The following CTNNA3 variants were observed in gnomAD, a reference collection of about 807,000 sequenced individuals.
The protein encoded by CTNNA3 is catenin alpha 3, also known as catenin alpha-3.
CTNNA3 carries 76 observed loss-of-function variants against 95.7 expected under a neutral mutation model. That is an observed-to-expected ratio of 0.79 (90% CI 0.66 to 0.96). The LOEUF is 0.96. Among genes scored for constraint, CTNNA3 ranks in the 40% least tolerant of loss-of-function variants. The pLI, the probability that CTNNA3 is intolerant of heterozygous loss-of-function variation, is 0.00. For missense variants in CTNNA3, 1,191 were observed against 1,089.8 expected, an observed-to-expected ratio of 1.09 and a Z score of -1.31; for synonymous variants, 431 against 374.4, an observed-to-expected ratio of 1.15 and a Z score of -1.74.
intron 11 of CTNNA3, among the ~76,000 whole-genome samples, chr10:66,429,750 T>C (rs1229383960): frequency 2.6e-5 from 4 of 152,122 alleles, no homozygotes; most frequent in African/African-American, 7.2e-5. Context: ...ATGGGAAGTA[T>C]CTAAAAATAA....
At chr10:67,218,668 A>T (rs1487074772) in intron 6 of CTNNA3, among the ~76,000 whole-genome samples, 1 of 152,170 alleles carries the variant, frequency 6.6e-6, no homozygotes, top group Non-Finnish European at 1.5e-5. Context: ...CATCCATTCT[A>T]TCAAAATTCA....
chr10:66,048,145 C>A (rs944262073), intron 15 of CTNNA3, among the ~76,000 whole-genome samples: 1 of 152,024 alleles, frequency 6.6e-6, no homozygotes, highest in Non-Finnish European at 1.5e-5. Flanking sequence ...TTATATGGAA[C>A]CAAAAAGAGT....
At chr10:66,418,846 C>G (rs1045805996) in intron 11 of CTNNA3, among the ~76,000 whole-genome samples, 1 of 151,970 alleles carries the variant, frequency 6.6e-6, no homozygotes, top group Non-Finnish European at 1.5e-5. Flanking sequence ...AAAAAATTCT[C>G]AACAAACTAG....
intron 15 of CTNNA3, among the ~76,000 whole-genome samples, chr10:66,055,188 T>A (rs1267257295): frequency 2.6e-5 from 4 of 152,202 alleles, no homozygotes; most frequent in African/African-American, 4.8e-5. Context: ...TTCTCAGGAT[T>A]GCTTTGGCTA....
chr10:66,689,870 A>G (rs1262842726), intron 9 of CTNNA3, among the ~76,000 whole-genome samples: 1 of 152,212 alleles, frequency 6.6e-6, no homozygotes, highest in Non-Finnish European at 1.5e-5. Flanking sequence ...ATTTCACAGT[A>G]TTCCTAATAC....
chr10:67,559,777 C>T (rs566095485), intron 3 of CTNNA3, among the ~76,000 whole-genome samples: 2 of 152,142 alleles, frequency 1.3e-5, no homozygotes, highest in African/African-American at 4.8e-5. Flanking sequence ...ATAACCAATA[C>T]AGAGAAGTGC....
intron 15 of CTNNA3, among the ~76,000 whole-genome samples, chr10:66,053,225 A>G (rs2080000390): frequency 1.3e-5 from 1 of 76,874 alleles, no homozygotes; most frequent in Admixed American, 1.3e-4. Context: ...GTTTTTAAAT[A>G]TCAGATTAAT....
chr10:67,319,445 C>T (rs1213569890), intron 5 of CTNNA3, among the ~76,000 whole-genome samples: 1 of 152,122 alleles, frequency 6.6e-6, no homozygotes, highest in East Asian at 1.9e-4. Context: ...ATGCCTAGCA[C>T]ATAAAAGGTG....
intron 15 of CTNNA3, among the ~76,000 whole-genome samples, chr10:66,006,915 G>T (rs987637457): frequency 6.6e-6 from 1 of 152,164 alleles, no homozygotes; most frequent in African/African-American, 2.4e-5. Flanking sequence ...ACAGCTAATA[G>T]ATTCAGTACA....
intron 7 of CTNNA3, among the ~76,000 whole-genome samples, chr10:66,960,591 C>T (rs2132768490): frequency 6.6e-6 from 1 of 152,188 alleles, no homozygotes; most frequent in East Asian, 1.9e-4. Context: ...GAGAGAAAAA[C>T]AGAAGACATT....
chr10:66,164,443 A>G (rs2085017215), intron 13 of CTNNA3, among the ~76,000 whole-genome samples: 1 of 152,036 alleles, frequency 6.6e-6, no homozygotes, highest in African/African-American at 2.4e-5. Context: ...CCTGGCCACA[A>G]TCATTGATTC....
At chr10:66,680,215 A>G (rs1197300701) in intron 9 of CTNNA3, among the ~76,000 whole-genome samples, 3 of 151,550 alleles carry the variant, frequency 2.0e-5, no homozygotes. Flanking sequence ...TTGTTTTACT[A>G]GAGATGGGGT....
chr10:67,208,487 G>C (rs1864004591), intron 6 of CTNNA3, among the ~76,000 whole-genome samples: 1 of 151,864 alleles, frequency 6.6e-6, no homozygotes, highest in Non-Finnish European at 1.5e-5. Flanking sequence ...AGAGCGGAAT[G>C]AAAATAGCTA....
intron 5 of CTNNA3, among the ~76,000 whole-genome samples, chr10:67,328,770 A>G (rs1258999607): frequency 6.6e-6 from 1 of 152,078 alleles, no homozygotes; most frequent in Non-Finnish European, 1.5e-5. Context: ...TGTGTCAGTC[A>G]TCTGAGTCCC....
intron 1 of CTNNA3, among the ~76,000 whole-genome samples, chr10:67,751,916 C>A (rs1368015346): frequency 1.3e-5 from 2 of 151,494 alleles, no homozygotes; most frequent in Non-Finnish European, 2.9e-5. Context: ...GGGTACCATT[C>A]TTTCTGTAAT....
intron 7 of CTNNA3, among the ~76,000 whole-genome samples, chr10:67,049,758 G>A (rs1854968707): frequency 6.6e-6 from 1 of 152,134 alleles, no homozygotes. Flanking sequence ...AATTACTACT[G>A]CACAGATTCT....
chr10:67,036,889 A>G (rs1385947559), intron 7 of CTNNA3, among the ~76,000 whole-genome samples: 4 of 152,080 alleles, frequency 2.6e-5, no homozygotes, highest in Non-Finnish European at 5.9e-5. Context: ...ATTGTGAAAA[A>G]AAATAATAAT....
At chr10:66,359,845 T>C (rs2092639701) in intron 12 of CTNNA3, among the ~76,000 whole-genome samples, 1 of 118,394 alleles carries the variant, frequency 8.4e-6, no homozygotes, top group African/African-American at 3.0e-5. Context: ...TTTTTTTTTT[T>C]GAGATGGGTC....
intron 5 of CTNNA3, among the ~76,000 whole-genome samples, chr10:67,280,655 A>G (rs1839359214): frequency 6.6e-6 from 1 of 151,968 alleles, no homozygotes; most frequent in African/African-American, 2.4e-5. Context: ...CCATTCTCCC[A>G]GTGTGCACAT....
Sources: allele counts gnomAD v4.1 joint callset (sites outside exome capture counted in the v4.1 genomes callset), GRCh38; gene constraint gnomAD v4.1.1; transcripts MANE v1.5; gene names NCBI Gene and HGNC (gene_info 2026-07-23, HGNC 2026-07-21).